Variants in RB1CC1 observed in about 807,000 individuals in gnomAD.
RB1CC1 encodes RB1 inducible coiled-coil 1, also known as RB1-inducible coiled-coil protein 1.
A neutral mutation model predicts 177.5 loss-of-function variants in RB1CC1; 46 were observed. That is an observed-to-expected ratio of 0.26 (90% confidence interval 0.20 to 0.33). RB1CC1 has a LOEUF of 0.33. Among genes scored for constraint, RB1CC1 ranks in the 10% least tolerant of loss-of-function variants. RB1CC1 has a pLI of 1.00. For missense variants in RB1CC1, 1,703 were observed against 1,816.3 expected, an observed-to-expected ratio of 0.94 and a Z score of 1.13; for synonymous variants, 666 against 613.6, an observed-to-expected ratio of 1.09 and a Z score of -1.26.
At position 52,646,500 on chromosome 8, in the gene RB1CC1, A is replaced by C. The variant is rs1850051805; in HGVS notation, c.3822-633T>G. Among the ~76,000 whole-genome samples the C allele has an allele frequency of 2.0e-5, 3 of 152,218 alleles. No individual in the cohort carries two copies. The South Asian group carries it at 6.2e-4, about 31-fold the overall frequency. On this transcript the variant is annotated intron_variant, in intron 15 of 23. Transcript: ENST00000025008. ...CAGTTTTGCTATTCCTATACATGAA[A>C]TTTACACAATGACTTAGGAAAAAAG...
At chr8:52,626,144 CA>C (rs961389151) in intron 22 of RB1CC1, among the ~76,000 whole-genome samples, 1 of 152,062 alleles carries the variant, frequency 6.6e-6, no homozygotes. Context: ...GCCCCACTAA[CA>C]AAAGGCATAA....
intron 5 of RB1CC1, 59 bp downstream of exon 5, chr8:52,683,490 G>T: frequency 7.1e-7 from 1 of 1,407,956 alleles, no homozygotes; most frequent in Non-Finnish European, 9.5e-7. Flanking sequence ...AGACTACTGT[G>T]CTATTTAGAT....
At chr8:52,635,437 A>G (rs1849060917) in intron 19 of RB1CC1, among the ~76,000 whole-genome samples, 1 of 152,170 alleles carries the variant, frequency 6.6e-6, no homozygotes, top group Admixed American at 6.5e-5. Flanking sequence ...TGTAAAGAAA[A>G]AAAGGCATTG....
At chr8:52,649,759 G>C (rs899706670) in intron 15 of RB1CC1, among the ~76,000 whole-genome samples, 1 of 152,160 alleles carries the variant, frequency 6.6e-6, no homozygotes, top group Non-Finnish European at 1.5e-5. Context: ...CATGTAGTAG[G>C]TAGATTTCCC....
At chr8:52,708,569 CT>C (rs554380719) in intron 1 of RB1CC1, among the ~76,000 whole-genome samples, 102 of 152,248 alleles carry the variant, frequency 6.7e-4, no homozygotes, top group African/African-American at 2.4e-3. Context: ...CCTATTACCA[CT>C]TCTGGGAAGT....
chr8:52,674,334 T>C, intron 6 of RB1CC1, 60 bp from the exon 7 acceptor site: 1 of 1,385,522 alleles, frequency 7.2e-7, no homozygotes. Context: ...GGAATTAGCA[T>C]GTTTGAATGA....
At chr8:52,695,805 CTCTTA>C (rs1172934333) in intron 1 of RB1CC1, among the ~76,000 whole-genome samples, 1 of 152,152 alleles carries the variant, frequency 6.6e-6, no homozygotes, top group Non-Finnish European at 1.5e-5. Context: ...TTGTATCCTT[CTCTTA>C]TAATAAAAGT....
chr8:52,702,114 A>T (rs1183465284), intron 1 of RB1CC1, among the ~76,000 whole-genome samples: 1 of 152,104 alleles, frequency 6.6e-6, no homozygotes, highest in Non-Finnish European at 1.5e-5. Flanking sequence ...AGCCAAAACT[A>T]TCTATTTCTA....
chr8:52,685,322 A>C (rs1591083087), intron 3 of RB1CC1, 77 bp downstream of exon 3: 2 of 1,146,134 alleles, frequency 1.7e-6, no homozygotes, highest in East Asian at 5.0e-5. Context: ...CCTACTTTTT[A>C]AACAGTAGAA....
In RB1CC1 at chr8:52,642,857, G is replaced by C. The variant is rs764591163; in HGVS notation, c.3988-45C>G. The stretch of plus-strand genomic sequence containing the variant: ...ATTTAAATTTATCTACATGTACTTA[G>C]CAGCTAGGACTTAGAAAATACACTT... On this transcript the variant is annotated intron_variant, in intron 16 of 23. Transcript: ENST00000025008. The C allele has an allele frequency of 2.8e-6, 4 of 1,450,942 alleles. No homozygotes were observed. In the South Asian group the frequency reaches 6.2e-5, roughly 22 times the overall value. 89.9% of individuals were successfully genotyped at this position (1,450,942 alleles called of 1,614,324 possible). A position where few individuals can be genotyped will look rare whatever the true frequency, so the allele number is the denominator to read the frequency against.
intron 16 of RB1CC1, chr8:52,643,051 T>TA (rs1849712801): frequency 3.1e-6 from 1 of 327,556 alleles, no homozygotes; most frequent in Non-Finnish European, 5.2e-6. Context: ...TCCATATATT[T>TA]ACTGTCAGAG....
rs1853278054 is a variant in RB1CC1, at chr8:52,677,773, C to T, written c.370-1202G>A. 7.9e-5 allele frequency among the ~76,000 whole-genome samples: 12 copies of T among 152,114 alleles called. 1 individual carries two copies. In the South Asian group the frequency reaches 2.5e-3, roughly 32 times the overall value. ...AATTAATGTCAATTAATCAATCATG[C>T]TGCCACTAAAATAGAGTGGGGAAAA... On this transcript the variant is annotated intron_variant, in intron 5 of 23. Coordinates refer to ENST00000025008, the MANE Select transcript of RB1CC1 (RefSeq NM_014781.5).
intron 8 of RB1CC1, among the ~76,000 whole-genome samples, chr8:52,662,433 G>C (rs975308308): frequency 3.4e-4 from 51 of 152,078 alleles, no homozygotes; most frequent in African/African-American, 1.1e-3. Flanking sequence ...TATCTCTCAA[G>C]TATATTTAGT....
At position 52,683,710 on chromosome 8, in the gene RB1CC1, G is replaced by A; in HGVS notation, c.208C>T (p.Pro70Ser). The A allele has an allele frequency of 6.3e-7, 1 of 1,584,214 alleles. No homozygotes were observed. The highest frequency in any genetic ancestry group is 8.6e-7 in the Non-Finnish European group (1 of 1,166,494). Residue 70 changes from proline to serine, a missense_variant, in exon 5 of 24, where the codon CCA becomes TCA. By Grantham distance (74) the Pro-to-Ser change is moderately conservative (BLOSUM62 -1). Coordinates refer to ENST00000025008, the MANE Select transcript of RB1CC1 (RefSeq NM_014781.5). Reference sequence around the variant, plus strand: ...ATTTCTTTGTTAAAAAGAAAAATTGGATTTGTATCCTATATTTTTTAAAAA... The same window carrying A: ...ATTTCTTTGTTAAAAAGAAAAATTGAATTTGTATCCTATATTTTTTAAAAA... ...CTYSAGTDTN[P>S]IFLFNKEMIL...
intron 20 of RB1CC1, among the ~76,000 whole-genome samples, chr8:52,632,253 G>A (rs1365769185): frequency 6.6e-6 from 1 of 152,136 alleles, no homozygotes; most frequent in East Asian, 1.9e-4. Flanking sequence ...CAAGCAAAGT[G>A]AGCCCAATGC....
intron 9 of RB1CC1, 115 bp downstream of exon 9, chr8:52,661,413 CCAAAGTT>C (rs1385934015): frequency 6.9e-7 from 1 of 1,454,096 alleles, no homozygotes; most frequent in Non-Finnish European, 9.3e-7. Flanking sequence ...TAGTCTAATT[CCAAAGTT>C]CATCAATAAG....
intron 8 of RB1CC1, among the ~76,000 whole-genome samples, chr8:52,667,628 T>C (rs537244346): frequency 6.6e-6 from 1 of 152,336 alleles, no homozygotes; most frequent in Non-Finnish European, 1.5e-5. Flanking sequence ...ATCTAAAACC[T>C]AGGTATTACT....
Position 52,623,489 on chromosome 8 carries a change from T to A in RB1CC1, c.*293A>T. ...TAATATGGCTCATCATAAGCCACAA[T>A]GCACAAGGTATGCCCTTTGAGAAAA... On this transcript the variant is annotated 3_prime_UTR_variant, in exon 24 of 24. Coordinates refer to ENST00000025008, the MANE Select transcript of RB1CC1 (RefSeq NM_014781.5). 1 of 394,868 alleles carries A rather than the reference T, an allele frequency of 2.5e-6. No individual in the cohort carries two copies. The highest frequency in any genetic ancestry group is 4.8e-6 in the Non-Finnish European group (1 of 206,708). The allele number at this position is 394,868 out of a possible 1,614,324, so 24.5% of individuals were successfully genotyped here.
At chr8:52,637,658 C>CATTTATTT (rs561831982) in intron 18 of RB1CC1, among the ~76,000 whole-genome samples, 137 of 151,290 alleles carry the variant, frequency 9.1e-4, no homozygotes, top group African/African-American at 3.2e-3. Context: ...AATCTAGATG[C>CATTTATTT]ATTTATTTAT....
Sources: allele counts gnomAD v4.1 joint callset (sites outside exome capture counted in the v4.1 genomes callset), GRCh38; gene constraint gnomAD v4.1.1; transcripts MANE v1.5; gene names NCBI Gene and HGNC (gene_info 2026-07-23, HGNC 2026-07-21).